NUP98: variants seen among roughly 807,000 people sequenced by gnomAD.
NUP98 encodes nucleoporin 98 and 96 precursor, also known as nuclear pore complex protein Nup98-Nup96.
In NUP98, 26 loss-of-function variants were observed where a neutral mutation model predicts 191.9. The ratio of observed to expected loss-of-function variants is 0.14; its 90% CI spans 0.10 to 0.19. The LOEUF is 0.19. Among genes scored for constraint, NUP98 ranks in the 10% least tolerant of loss-of-function variants. The probability of loss-of-function intolerance (pLI) is 1.00; values close to 1 mark genes in which losing one functional copy is unlikely to be tolerated. For missense variants in NUP98, 1,941 were observed against 2,178.8 expected (o/e 0.89, Z 2.17); for synonymous variants, 808 against 778.4 (o/e 1.04, Z -0.63).
chr11:3,775,980 T>C lies in NUP98; in HGVS notation c.397A>G (p.Thr133Ala), dbSNP rs746584017. The change falls in exon 5 of 33, where the codon ACA becomes GCA. Residue 133 changes from threonine to alanine, a missense_variant. By Grantham distance (58) the Thr-to-Ala change is moderately conservative. Transcript: ENST00000324932. ...CCAAAAGGATTAGAGGTGGTATTTG[T>C]GGTTCCAAAGAGTCCTCCACTGCTA... is the stretch of plus-strand genomic sequence containing the variant. ...STSSGGLFGT[T>A]NTTSNPFGST... 6.8e-6 allele frequency: 11 copies of C among 1,613,674 alleles called. No homozygotes were observed. The highest frequency in any genetic ancestry group is 7.6e-6 in the Non-Finnish European group (9 of 1,179,712).
chr11:3,791,117 G>C (rs193043159), intron 1 of NUP98, among the ~76,000 whole-genome samples: 8,258 of 151,930 alleles, frequency 0.054, 318 homozygotes, highest in Non-Finnish European at 0.083. Flanking sequence ...GGATGGTCTC[G>C]ATCTCCTGAC....
At chr11:3,766,957 T>C (rs1471979416) in intron 8 of NUP98, among the ~76,000 whole-genome samples, 1 of 152,068 alleles carries the variant, frequency 6.6e-6, no homozygotes, top group Non-Finnish European at 1.5e-5. Context: ...TGGATTATGA[T>C]CCTTTTTTGT....
Position 3,768,618 on chromosome 11 carries a change from T to C in NUP98, c.911A>G (p.Asn304Ser). 6.2e-7 allele frequency: 1 copy of C among 1,610,074 alleles called. No homozygotes were observed. Among genetic ancestry groups the C allele is most frequent in the Non-Finnish European group, 8.5e-7 (1 of 1,178,114 alleles). Residue 304 changes from asparagine (N) to serine (S), a missense_variant, in exon 8 of 33, where the codon AAT becomes AGT. Asn to Ser is a conservative substitution (Grantham distance 46). Around this residue, in one of 6 missense-constraint regions of NUP98, gnomAD observed 181 missense variants for 228.0 expected, o/e 0.79. Transcript: ENST00000324932. ...TTQNTGFSFG[N>S]TSTIGQPSTN... is the part of the protein sequence containing the mutation. ...GCTTGGCTGTCCTATGGTGCTGGTATTACCAAAGGAAAAGCCAGTGTTCTG... is the reference window on the plus strand; with the variant it reads ...GCTTGGCTGTCCTATGGTGCTGGTACTACCAAAGGAAAAGCCAGTGTTCTG...
chr11:3,742,211 A>G (rs2080308667), intron 12 of NUP98, among the ~76,000 whole-genome samples: 1 of 152,176 alleles, frequency 6.6e-6, no homozygotes. Context: ...GGAAGTCAGT[A>G]AGCGGTGGTA....
chr11:3,698,815 C>T (rs2078591672), intron 25 of NUP98, among the ~76,000 whole-genome samples: 1 of 149,484 alleles, frequency 6.7e-6, no homozygotes, highest in African/African-American at 2.5e-5. Context: ...TCCCACAGTG[C>T]TGGAATTACA....
chr11:3,729,715 C>CAAAAAAAAAAAAA lies in NUP98; in HGVS notation c.1730+1663_1730+1675dup, dbSNP rs755816362. 3.9e-3 allele frequency among the ~76,000 whole-genome samples: 146 copies of CAAAAAAAAAAAAA among 37,402 alleles called. 7 individuals are homozygous for CAAAAAAAAAAAAA. The highest frequency in any genetic ancestry group is 4.6e-3 in the Non-Finnish European group (86 of 18,644). The allele number at this position is 37,402 out of a possible 152,430, so 24.5% of individuals were successfully genotyped here. On this transcript the variant is annotated intron_variant, in intron 14 of 32. Transcript: ENST00000324932. ...GGGCAATGGCATAAGACTCTTGCCT[C>CAAAAAAAAAAAAA]AAAAAAAAAAAAAAAAAAAAAAAAA...
intron 18 of NUP98, among the ~76,000 whole-genome samples, chr11:3,716,377 C>T (rs1027371450): frequency 2.0e-5 from 3 of 151,842 alleles, no homozygotes; most frequent in Non-Finnish European, 4.4e-5. Context: ...GTGCTCCACA[C>T]CACCCTGCCC....
intron 10 of NUP98, among the ~76,000 whole-genome samples, chr11:3,758,803 C>G (rs2081066098): frequency 1.3e-5 from 2 of 151,854 alleles, no homozygotes; most frequent in South Asian, 4.2e-4. Flanking sequence ...GAGACAGAGA[C>G]AGAGACAGAG....
intron 18 of NUP98, among the ~76,000 whole-genome samples, chr11:3,717,996 CT>C: frequency 6.6e-6 from 1 of 152,240 alleles, no homozygotes; most frequent in East Asian, 1.9e-4. Flanking sequence ...CTGTTGATGA[CT>C]TTTTCATCAA....
chr11:3,774,006 A>G (rs1268105072), intron 5 of NUP98, among the ~76,000 whole-genome samples: 2 of 152,212 alleles, frequency 1.3e-5, no homozygotes, highest in East Asian at 3.8e-4. Flanking sequence ...ATGGTAAAAT[A>G]CATGTAATAT....
At chr11:3,722,069 G>T (rs1348297778) in intron 16 of NUP98, among the ~76,000 whole-genome samples, 1 of 146,120 alleles carries the variant, frequency 6.8e-6, no homozygotes, top group Admixed American at 6.8e-5. Flanking sequence ...TTCATGTAGA[G>T]ATACATACAC....
At chr11:3,788,652 A>G (rs1305997150) in intron 1 of NUP98, among the ~76,000 whole-genome samples, 5 of 152,210 alleles carry the variant, frequency 3.3e-5, no homozygotes, top group African/African-American at 1.2e-4. Context: ...ACTATTAAGA[A>G]TCACTGTATA....
chr11:3,768,222 C>A (rs906631894), intron 8 of NUP98, among the ~76,000 whole-genome samples: 1 of 151,950 alleles, frequency 6.6e-6, no homozygotes, highest in Non-Finnish European at 1.5e-5. Context: ...GAGATCGAGA[C>A]CATCCTGGCA....
chr11:3,724,000 T>C (rs756184059), intron 15 of NUP98, among the ~76,000 whole-genome samples: 5 of 151,186 alleles, frequency 3.3e-5, no homozygotes, highest in South Asian at 2.1e-4. Flanking sequence ...TAATGACTTA[T>C]GCAATCATTA....
At chr11:3,722,105 C>G (rs992395840) in intron 16 of NUP98, among the ~76,000 whole-genome samples, 2 of 108,264 alleles carry the variant, frequency 1.8e-5, no homozygotes, top group African/African-American at 3.4e-5. Flanking sequence ...ACCTGGAATT[C>G]TTTTTTTTTT....
chr11:3,694,745 A>G (rs571196051), intron 26 of NUP98, among the ~76,000 whole-genome samples: 5,087 of 136,534 alleles, frequency 0.037, 284 homozygotes, highest in African/African-American at 0.15. Context: ...GTCTCAAGAG[A>G]AAAAAAAAAA....
At chr11:3,752,518 A>AAATAAAT (rs1554897615) in intron 11 of NUP98, among the ~76,000 whole-genome samples, 3 of 147,562 alleles carry the variant, frequency 2.0e-5, no homozygotes, top group African/African-American at 7.5e-5. Flanking sequence ...CTCCATCTCC[A>AAATAAAT]AAATAAATAA....
intron 23 of NUP98, among the ~76,000 whole-genome samples, chr11:3,701,154 A>T (rs1450537618): frequency 2.6e-5 from 4 of 152,178 alleles, no homozygotes; most frequent in Admixed American, 2.0e-4. Flanking sequence ...CCTGTTTCTC[A>T]AATTATACTT....
At chr11:3,775,781 G>T in intron 5 of NUP98, 101 bp downstream of exon 5, 1 of 1,140,690 alleles carries the variant, frequency 8.8e-7, no homozygotes, top group Non-Finnish European at 1.3e-6. Context: ...TTCAGGCAGT[G>T]TCAAGCTAAG....
Sources: gnomAD v4.1 joint callset for allele counts (sites outside exome capture counted in the v4.1 genomes callset) on GRCh38, gnomAD v4.1.1 for gene constraint, gnomAD v4.1.1 regional missense constraint, MANE v1.5 for transcripts, NCBI Gene and HGNC (gene_info 2026-07-23, HGNC 2026-07-21) for gene names.